PTPRA: variants seen among roughly 807,000 people sequenced by gnomAD.
The protein encoded by PTPRA is receptor-type tyrosine-protein phosphatase alpha.
A neutral mutation model predicts 104.8 loss-of-function variants in PTPRA; 25 were observed. The ratio of observed to expected loss-of-function variants is 0.24; its 90% CI spans 0.17 to 0.33. PTPRA has a LOEUF of 0.33. PTPRA is among the 10% of genes least tolerant of loss of function. The pLI is 1.00. For missense variants in PTPRA, 765 were observed against 1,015.3 expected (o/e 0.75, Z 3.35); for synonymous variants, 323 against 368.9 (o/e 0.88, Z 1.43).
At chr20:2,979,355 T>G (rs749247728) in intron 6 of PTPRA, among the ~76,000 whole-genome samples, 47 of 152,222 alleles carry the variant, frequency 3.1e-4, no homozygotes, top group Admixed American at 6.5e-4. Flanking sequence ...TTCTTTGGAC[T>G]CTCCTGTTGC....
At chr20:3,032,903 C>T (rs2065572925) in intron 20 of PTPRA, among the ~76,000 whole-genome samples, 1 of 149,754 alleles carries the variant, frequency 6.7e-6, no homozygotes, top group Admixed American at 6.7e-5. Flanking sequence ...GGTCATTTCT[C>T]TTTTCTGATT....
At chr20:3,036,713 C>CA (rs1340037571) in intron 22 of PTPRA, among the ~76,000 whole-genome samples, 1 of 152,214 alleles carries the variant, frequency 6.6e-6, no homozygotes, top group African/African-American at 2.4e-5. Flanking sequence ...TTGTCAAGGT[C>CA]AGAGTCTGGA....
intron 20 of PTPRA, among the ~76,000 whole-genome samples, chr20:3,033,795 G>C (rs1181046926): frequency 1.3e-5 from 2 of 151,848 alleles, no homozygotes; most frequent in Non-Finnish European, 2.9e-5. Context: ...AGCTACTGGG[G>C]AGGCTGAGGC....
At chr20:2,954,895 C>A (rs1430844012) in intron 3 of PTPRA, among the ~76,000 whole-genome samples, 1 of 152,224 alleles carries the variant, frequency 6.6e-6, no homozygotes, top group East Asian at 1.9e-4. Context: ...AGGGGTCCAG[C>A]GTTATTGTTT....
At chr20:2,993,843 AGAGG>A (rs1224190834) in intron 9 of PTPRA, among the ~76,000 whole-genome samples, 1 of 152,220 alleles carries the variant, frequency 6.6e-6, no homozygotes, top group Non-Finnish European at 1.5e-5. Flanking sequence ...AAGGTGGCAC[AGAGG>A]GAGGTCTAGC....
At chr20:2,882,678 G>GAGAAGACAT (rs1308415305) in intron 1 of PTPRA, among the ~76,000 whole-genome samples, 1 of 152,092 alleles carries the variant, frequency 6.6e-6, no homozygotes, top group African/African-American at 2.4e-5. Context: ...AGTTGTACTG[G>GAGAAGACAT]AGAAGACATA....
At chr20:3,029,515 G>T (rs1253007686) in intron 20 of PTPRA, among the ~76,000 whole-genome samples, 1 of 135,204 alleles carries the variant, frequency 7.4e-6, no homozygotes, top group Admixed American at 7.7e-5. Flanking sequence ...CTAATCAACA[G>T]ACATACTTTG....
Position 3,007,429 on chromosome 20 carries a change from CG to C in PTPRA, c.906+12del. 25 of 1,612,016 alleles carry C rather than the reference CG, an allele frequency of 1.6e-5. No individual in the cohort carries two copies. The highest frequency in any genetic ancestry group is 2.1e-5 in the Non-Finnish European group (25 of 1,178,160). On this transcript the variant is annotated intron_variant, in intron 11 of 23. Coordinates refer to ENST00000399903, the MANE Select transcript of PTPRA (RefSeq NM_001385305.1). ...ATGCTTCATTCATCAACGTAAGGAT[CG>C]GGTGCTTTCCCTGTCACTTCCCTGC...
intron 3 of PTPRA, among the ~76,000 whole-genome samples, 166 bp from the exon 4 acceptor site, chr20:2,964,106 T>C (rs1201598444): frequency 1.3e-5 from 2 of 152,162 alleles, no homozygotes; most frequent in African/African-American, 4.8e-5. Context: ...AAAGACTCAA[T>C]TAGTTATTGG....
chr20:2,864,851 G>A, the PTPRA span: 5 of 1,296,832 alleles, frequency 3.9e-6, no homozygotes, highest in South Asian at 3.7e-5. This position sits in a 1 kb window ranked among gnomAD's most constrained non-coding sequence, Gnocchi z 5.2. Context: ...TCAGAGTGGT[G>A]CACCTAGCAG....
chr20:2,904,666 CAAAAA>C (rs397865578), intron 1 of PTPRA, among the ~76,000 whole-genome samples: 1 of 66,132 alleles, frequency 1.5e-5, no homozygotes. Context: ...GACTCCGTCT[CAAAAA>C]AAAAAAAAAA....
At chr20:2,907,008 C>T (rs1226245643) in intron 1 of PTPRA, among the ~76,000 whole-genome samples, 6 of 152,128 alleles carry the variant, frequency 3.9e-5, no homozygotes, top group Non-Finnish European at 7.4e-5. Flanking sequence ...GTAGTGTGAG[C>T]TAAGAAACTA....
At chr20:2,868,618 C>CTTT (rs56081198), upstream of PTPRA, among the ~76,000 whole-genome samples, 11 of 45,212 alleles carry the variant, frequency 2.4e-4, 1 homozygote, top group Non-Finnish European at 3.1e-4. Flanking sequence ...TCATTCTGGG[C>CTTT]TTTTTTTTTT....
chr20:2,867,833 A>G, the PTPRA span, among the ~76,000 whole-genome samples: 50 of 152,290 alleles, frequency 3.3e-4, no homozygotes, highest in African/African-American at 1.2e-3. Context: ...CTGAGAAGGT[A>G]TTTCTTTTTT....
intron 5 of PTPRA, among the ~76,000 whole-genome samples, chr20:2,974,845 G>C (rs1054557432): frequency 2.0e-5 from 3 of 152,208 alleles, no homozygotes; most frequent in Admixed American, 2.0e-4. Context: ...TTCTCTGTTA[G>C]TCTGTAGAGT....
At chr20:2,905,690 C>CTTTTTTTTTTTT (rs11479039) in intron 1 of PTPRA, among the ~76,000 whole-genome samples, 8 of 70,632 alleles carry the variant, frequency 1.1e-4, no homozygotes, top group East Asian at 8.3e-4. Context: ...TCATAAAATT[C>CTTTTTTTTTTTT]TTTTTTTTTT....
Position 2,910,632 on chromosome 20 carries a change from G to A in PTPRA, c.-128-12575G>A, listed in dbSNP as rs1330119115. On this transcript the variant is annotated intron_variant, in intron 1 of 23. Coordinates refer to ENST00000399903, the MANE Select transcript of PTPRA (RefSeq NM_001385305.1). ...TTAATTTTTTTTTTTTTTTTAAGAC[G>A]GAGTCTCGCTGTCACCCAGGCTGGA... is the stretch of plus-strand genomic sequence containing the variant. 4.4e-5 allele frequency among the ~76,000 whole-genome samples: 5 copies of A among 113,630 alleles called. 1 individual carries two copies. The highest frequency in any genetic ancestry group is 6.7e-5 in the Non-Finnish European group (4 of 59,446). The allele number at this position is 113,630 out of a possible 152,430, so 74.5% of individuals were successfully genotyped here. A position where few individuals can be genotyped will look rare whatever the true frequency, so the allele number is the denominator to read the frequency against.
At chr20:3,020,930 A>G (rs910874029) in intron 13 of PTPRA, among the ~76,000 whole-genome samples, 1 of 152,266 alleles carries the variant, frequency 6.6e-6, no homozygotes, top group African/African-American at 2.4e-5. Context: ...GCCCCCTCAT[A>G]GCAGACTGCT....
chr20:2,995,964 T>C (rs1050169097), intron 9 of PTPRA, among the ~76,000 whole-genome samples: 15 of 152,340 alleles, frequency 9.8e-5, no homozygotes, highest in South Asian at 6.2e-4. Context: ...TGTGCAGCTA[T>C]GAACTGTGAG....
Sources: gnomAD v4.1 joint callset for allele counts (sites outside exome capture counted in the v4.1 genomes callset) on GRCh38, gnomAD v4.1.1 for gene constraint, Gnocchi (gnomAD v3.1) non-coding constraint, MANE v1.5 for transcripts, NCBI Gene and HGNC (gene_info 2026-07-23, HGNC 2026-07-21) for gene names.